ABCA13: variants seen among roughly 807,000 people sequenced by gnomAD.
ABCA13 encodes ATP-binding cassette sub-family A member 13.
In ABCA13, 476 loss-of-function variants were observed where a neutral mutation model predicts 478.7. That is an observed-to-expected ratio of 0.99 (90% CI 0.92 to 1.07). The LOEUF (loss-of-function observed/expected upper bound fraction) is 1.07. Among genes scored for constraint, ABCA13 ranks in the 50% least tolerant of loss-of-function variants. The pLI, the probability that ABCA13 is intolerant of heterozygous loss-of-function variation, is 0.00. For synonymous variants in ABCA13, 2,252 were observed against 2,158.9 expected (o/e 1.04, Z -1.20); for missense variants, 6,060 against 5,910.6 (o/e 1.03, Z -0.83).
chr7:48,242,702 G>T (rs1316111719), intron 10 of ABCA13, among the ~76,000 whole-genome samples: 1 of 152,314 alleles, frequency 6.6e-6, no homozygotes, highest in Admixed American at 6.5e-5. Flanking sequence ...GCCTCCCAAA[G>T]TGCCGGAATT....
chr7:48,174,774 CT>C (rs1182631906), intron 1 of ABCA13, among the ~76,000 whole-genome samples: 2 of 152,222 alleles, frequency 1.3e-5, no homozygotes, highest in East Asian at 1.9e-4. Context: ...AAAGTCATAG[CT>C]TTTTTCCCAC....
chr7:48,525,945 G>A (rs1455544316), intron 54 of ABCA13, among the ~76,000 whole-genome samples: 4 of 151,784 alleles, frequency 2.6e-5, no homozygotes, highest in South Asian at 2.1e-4. Context: ...CTGTGCCCAC[G>A]TGTTCTCATT....
chr7:48,615,388 G>A lies in ABCA13; in HGVS notation c.14837+11G>A, dbSNP rs371508948. On this transcript the variant is annotated intron_variant, in intron 59 of 61. Coordinates refer to ENST00000435803, the MANE Select transcript of ABCA13 (RefSeq NM_152701.5). ...GCACATCAAAAATAGGTGCGTTGAA[G>A]TTCTCCTTTTGCTTAGATATTTACT... 7.4e-4 allele frequency: 1,150 copies of A among 1,554,510 alleles called. No individual in the cohort carries two copies. The highest frequency in any genetic ancestry group is 9.2e-4 in the Non-Finnish European group (1,051 of 1,147,244).
intron 41 of ABCA13, among the ~76,000 whole-genome samples, chr7:48,418,734 T>C (rs1338975259): frequency 6.6e-6 from 1 of 152,250 alleles, no homozygotes; most frequent in Non-Finnish European, 1.5e-5. Context: ...CTACTATTTA[T>C]ATCCAAAACA....
intron 31 of ABCA13, 118 bp downstream of exon 31, chr7:48,352,605 C>G: frequency 8.3e-7 from 1 of 1,198,940 alleles, no homozygotes; most frequent in Non-Finnish European, 1.1e-6. Flanking sequence ...AAAAAGTTCA[C>G]CCCCCACTTT....
intron 55 of ABCA13, among the ~76,000 whole-genome samples, chr7:48,561,883 A>G (rs933832639): frequency 1.3e-5 from 2 of 152,018 alleles, no homozygotes; most frequent in African/African-American, 4.8e-5. Flanking sequence ...TCAATCTGTA[A>G]TCTATTTTGA....
At chr7:48,363,582 C>T (rs1303165614) in intron 31 of ABCA13, among the ~76,000 whole-genome samples, 3 of 151,728 alleles carry the variant, frequency 2.0e-5, no homozygotes, top group Non-Finnish European at 4.4e-5. Flanking sequence ...GTTTCTTTTC[C>T]CTGTGTTTCT....
At chr7:48,415,336 A>T (rs528409833) in intron 41 of ABCA13, among the ~76,000 whole-genome samples, 18 of 152,226 alleles carry the variant, frequency 1.2e-4, no homozygotes, top group Admixed American at 6.5e-5. Context: ...GGGGTTATCG[A>T]GAGAAATTGT....
intron 58 of ABCA13, chr7:48,611,796 T>G (rs2131546749): frequency 6.6e-6 from 1 of 152,338 alleles, no homozygotes; most frequent in Admixed American, 6.5e-5. Flanking sequence ...TCCACTTGTC[T>G]GAACTATGTT....
intron 58 of ABCA13, among the ~76,000 whole-genome samples, chr7:48,599,920 AGC>A (rs1790707421): frequency 6.0e-5 from 1 of 16,800 alleles, no homozygotes; most frequent in Non-Finnish European, 9.9e-5. Flanking sequence ...TTGTATATAC[AGC>A]AAGTCAGCAA....
intron 47 of ABCA13, 137 bp downstream of exon 47, chr7:48,483,300 A>G: frequency 5.7e-6 from 4 of 697,900 alleles, no homozygotes; most frequent in Non-Finnish European, 9.1e-6. Context: ...AAGGAAAATT[A>G]TATGTAAACA....
intron 42 of ABCA13, 87 bp downstream of exon 42, chr7:48,427,958 G>A (rs1821658691): frequency 3.2e-6 from 3 of 933,002 alleles, no homozygotes; most frequent in Non-Finnish European, 3.1e-6. Context: ...AAGTTGTATA[G>A]CAAGGTTCTG....
chr7:48,585,016 C>T (rs867220306), intron 56 of ABCA13, among the ~76,000 whole-genome samples: 11 of 152,192 alleles, frequency 7.2e-5, no homozygotes, highest in Non-Finnish European at 1.2e-4. Flanking sequence ...CTTCATCTCT[C>T]ATATGAGTGT....
intron 41 of ABCA13, among the ~76,000 whole-genome samples, chr7:48,423,085 A>T (rs554744896): frequency 6.6e-6 from 1 of 152,234 alleles, no homozygotes; most frequent in Non-Finnish European, 1.5e-5. Flanking sequence ...CAGTGATAGG[A>T]AATTCATACA....
In ABCA13 at chr7:48,520,051, A is replaced by C; in HGVS notation, c.13808A>C (p.Asn4603Thr). 1 of 1,609,934 alleles carries C rather than the reference A, an allele frequency of 6.2e-7. No homozygotes were observed. Among genetic ancestry groups the C allele is most frequent in the Non-Finnish European group, 8.5e-7 (1 of 1,177,486 alleles). Reference sequence around the variant, plus strand: ...TTTTTCACTGTGCAGAATTTACAGAATATCTATGATGTCCTCAAGTGGGTC... The same window carrying C: ...TTTTTCACTGTGCAGAATTTACAGACTATCTATGATGTCCTCAAGTGGGTC... ...AIISKAKNLQ[N>T]IYDVLKWVFT... The change falls in exon 53 of 62, where the codon AAT becomes ACT. Residue 4603 changes from asparagine to threonine, a missense_variant. Coordinates refer to ENST00000435803, the MANE Select transcript of ABCA13 (RefSeq NM_152701.5).
At chr7:48,197,923 T>C (rs2128910788) in intron 2 of ABCA13, among the ~76,000 whole-genome samples, 1 of 152,224 alleles carries the variant, frequency 6.6e-6, no homozygotes. Context: ...GAGAGCGGTG[T>C]CTGGAAGCTT....
chr7:48,535,246 C>T lies in ABCA13; in HGVS notation c.14354+6901C>T, dbSNP rs1453311550. Among the ~76,000 whole-genome samples the T allele has an allele frequency of 3.3e-5, 5 of 152,284 alleles. No individual in the cohort carries two copies. The South Asian group carries it at 1.0e-3, about 32-fold the overall frequency. On this transcript the variant is annotated intron_variant, in intron 55 of 61. Coordinates refer to ENST00000435803, the MANE Select transcript of ABCA13 (RefSeq NM_152701.5). ...CCCCTTGCCCTAGGAATGGGGCTTCCTGAGAGCCCAACTGTAGTGATTGTT... is the reference window on the plus strand; with the variant it reads ...CCCCTTGCCCTAGGAATGGGGCTTCTTGAGAGCCCAACTGTAGTGATTGTT...
At chr7:48,419,473 G>A (rs1279684969) in intron 41 of ABCA13, among the ~76,000 whole-genome samples, 2 of 152,024 alleles carry the variant, frequency 1.3e-5, no homozygotes, top group Admixed American at 1.3e-4. Context: ...TAGAGTTGTA[G>A]AACCACCACT....
Position 48,383,158 on chromosome 7 carries a change from A to G in ABCA13, c.11336-4664A>G, listed in dbSNP as rs528314640. ...GGGCTGCAGGAAGGTGTCATTTCCC[A>G]AAGACTCAAGTGAGAAAACAAGGAT... is the stretch of plus-strand genomic sequence containing the variant. On this transcript the variant is annotated intron_variant, in intron 35 of 61. Transcript: ENST00000435803. Among the ~76,000 whole-genome samples, 5 of 152,354 alleles carry G rather than the reference A, an allele frequency of 3.3e-5. No homozygotes were observed. In the South Asian group the frequency reaches 1.0e-3, roughly 32 times the overall value.
Sources: allele counts gnomAD v4.1 joint callset (sites outside exome capture counted in the v4.1 genomes callset), GRCh38; gene constraint gnomAD v4.1.1; transcripts MANE v1.5; gene names NCBI Gene and HGNC (gene_info 2026-07-23, HGNC 2026-07-21).